Variants in AFF1 observed in about 807,000 individuals in gnomAD.
AFF1 encodes ALF transcription elongation factor 1, also known as AF4/FMR2 family member 1.
Under a neutral mutation model 121.7 loss-of-function variants are expected in AFF1, and 48 were observed. That is an observed-to-expected ratio of 0.39 (90% CI 0.31 to 0.50). The LOEUF (loss-of-function observed/expected upper bound fraction) is 0.50, where lower values mean the gene tolerates loss of function less well. Ranked by LOEUF, AFF1 falls within the 20% of genes least tolerant of loss-of-function variation. The probability of loss-of-function intolerance (pLI) is 0.76; values close to 1 mark genes in which losing one functional copy is unlikely to be tolerated. For missense variants in AFF1, 1,523 were observed against 1,511.7 expected (o/e 1.01, Z -0.12); for synonymous variants, 613 against 563.0 (o/e 1.09, Z -1.26).
At chr4:87,094,801 G>A (rs1028849679) in intron 7 of AFF1, 114 bp from the exon 8 acceptor site, 78 of 901,334 alleles carry the variant, frequency 8.7e-5, no homozygotes, top group Non-Finnish European at 1.2e-4. Flanking sequence ...TGCTAAGATT[G>A]TACCAAGTGC....
In AFF1 at chr4:87,047,348, G is replaced by A; in HGVS notation, c.813G>A (p.Val271=). The change falls in exon 4 of 21, where the codon GTG becomes GTA. Residue 271 remains valine, a synonymous_variant. Coordinates refer to ENST00000395146, the MANE Select transcript of AFF1 (RefSeq NM_001166693.3). ...AAGAGACCCCTCAAGACAGTTTGGT[G>A]GCCCCTGCCCAGCCGCCTTCTCAGA... The part of the protein sequence containing the change: ...HDKETPQDSL[V]APAQPPSQTF... 6.2e-7 allele frequency: 1 copy of A among 1,614,128 alleles called. No individual in the cohort carries two copies. The highest frequency in any genetic ancestry group is 1.1e-5 in the South Asian group (1 of 91,078).
chr4:87,118,699 TG>T (rs1356328563), intron 12 of AFF1, among the ~76,000 whole-genome samples: 2 of 152,160 alleles, frequency 1.3e-5, no homozygotes, highest in East Asian at 3.9e-4. Flanking sequence ...TTGCCCAGGC[TG>T]GTCTTGAGCT....
intron 5 of AFF1, among the ~76,000 whole-genome samples, chr4:87,088,900 C>A (rs1460358596): frequency 1.3e-5 from 2 of 152,200 alleles, no homozygotes; most frequent in African/African-American, 4.8e-5. Context: ...CATGCACACC[C>A]AAACCCAGCT....
At chr4:87,009,428 A>G (rs1211893101) in intron 2 of AFF1, among the ~76,000 whole-genome samples, 1 of 152,240 alleles carries the variant, frequency 6.6e-6, no homozygotes, top group Non-Finnish European at 1.5e-5. Flanking sequence ...TGTTTGTAAT[A>G]TGTAATAATC....
chr4:87,009,043 A>G (rs1489878522), intron 2 of AFF1, among the ~76,000 whole-genome samples: 1 of 152,228 alleles, frequency 6.6e-6, no homozygotes, highest in Non-Finnish European at 1.5e-5. Context: ...TAGCGCAGGG[A>G]TTTGTACCCA....
At chr4:87,087,587 G>A (rs190963919) in intron 5 of AFF1, among the ~76,000 whole-genome samples, 3 of 152,340 alleles carry the variant, frequency 2.0e-5, no homozygotes, top group Non-Finnish European at 4.4e-5. Context: ...TCATGGCCTT[G>A]TGAGTCTTTC....
At chr4:87,032,178 T>C (rs1729145998) in intron 2 of AFF1, among the ~76,000 whole-genome samples, 1 of 152,184 alleles carries the variant, frequency 6.6e-6, no homozygotes, top group Non-Finnish European at 1.5e-5. Context: ...TTATAGCGGG[T>C]AGTAGGAGGT....
chr4:86,961,642 G>A (rs1471567852), intron 2 of AFF1, among the ~76,000 whole-genome samples: 1 of 147,740 alleles, frequency 6.8e-6, no homozygotes, highest in Non-Finnish European at 1.5e-5. Context: ...GCAGGAAAAA[G>A]ATGAAAAGAT....
chr4:86,963,166 C>CAAAA (rs11341612), intron 2 of AFF1, among the ~76,000 whole-genome samples: 40 of 63,216 alleles, frequency 6.3e-4, no homozygotes, highest in African/African-American at 9.4e-4. Flanking sequence ...ACTCCCATCT[C>CAAAA]AAAAAAAAAA....
chr4:87,041,222 T>C (rs1730112892), intron 2 of AFF1, among the ~76,000 whole-genome samples: 1 of 152,092 alleles, frequency 6.6e-6, no homozygotes, highest in Non-Finnish European at 1.5e-5. Context: ...GAAAATGGGG[T>C]TAATAATCCC....
chr4:87,059,073 C>A (rs1720458597), intron 4 of AFF1, among the ~76,000 whole-genome samples: 1 of 152,214 alleles, frequency 6.6e-6, no homozygotes, highest in Admixed American at 6.5e-5. Flanking sequence ...CTCCAGGGCT[C>A]TGTCCTCAAC....
intron 12 of AFF1, among the ~76,000 whole-genome samples, chr4:87,118,296 A>G (rs961013734): frequency 5.8e-4 from 54 of 92,408 alleles, no homozygotes; most frequent in African/African-American, 2.6e-3. Context: ...CATGGCACCT[A>G]TAGAAATGCA....
At chr4:87,022,574 ATATATATATC>A (rs1728055461) in intron 2 of AFF1, among the ~76,000 whole-genome samples, 1 of 83,006 alleles carries the variant, frequency 1.2e-5, no homozygotes, top group African/African-American at 5.4e-5. Context: ...ATATATATAT[ATATATATATC>A]TATCTATATC....
chr4:86,939,997 G>GT (rs1720336521), intron 1 of AFF1, among the ~76,000 whole-genome samples: 1 of 152,222 alleles, frequency 6.6e-6, no homozygotes, highest in Non-Finnish European at 1.5e-5. Context: ...CTAGCTGTCA[G>GT]ACCTTAGGCA....
intron 8 of AFF1, among the ~76,000 whole-genome samples, chr4:87,100,518 A>C (rs755462674): frequency 3.3e-5 from 5 of 152,126 alleles, no homozygotes; most frequent in African/African-American, 4.8e-5. Context: ...TGTATAAAAG[A>C]GTGACCTCTA....
intron 19 of AFF1, among the ~76,000 whole-genome samples, chr4:87,133,875 A>G (rs1392192078): frequency 6.6e-6 from 1 of 152,226 alleles, no homozygotes; most frequent in Non-Finnish European, 1.5e-5. Flanking sequence ...GAGTCTTCTG[A>G]TGCATGATAC....
Position 87,047,218 on chromosome 4 carries a change from T to C in AFF1, c.683T>C (p.Leu228Pro), listed in dbSNP as rs2149615235. ...CCTATACATTCCAACCAGCAAACTCTTCCCCGGACGCAAGGAAGCAGCAAG... is the reference window on the plus strand; with the variant it reads ...CCTATACATTCCAACCAGCAAACTCCTCCCCGGACGCAAGGAAGCAGCAAG... ...LSPIHSNQQT[L>P]PRTQGSSKVH... is the part of the protein sequence containing the mutation. The change falls in exon 4 of 21, where the codon CTT becomes CCT. Residue 228 changes from leucine to proline, a missense_variant. Around this residue, in one of 5 missense-constraint regions of AFF1, gnomAD observed 369 missense variants for 367.2 expected, o/e 1.00. Coordinates refer to ENST00000395146, the MANE Select transcript of AFF1 (RefSeq NM_001166693.3). The C allele has an allele frequency of 1.2e-6, 2 of 1,614,102 alleles. No individual in the cohort carries two copies. The highest frequency in any genetic ancestry group is 1.7e-5 in the Admixed American group (1 of 60,012).
At position 87,056,315 on chromosome 4, in the gene AFF1, TTTGAA is replaced by T. The variant is rs1240130474; in HGVS notation, c.1059+8727_1059+8731del. Among the ~76,000 whole-genome samples the T allele has an allele frequency of 2.6e-5, 4 of 152,336 alleles. No homozygotes were observed. The East Asian group carries it at 7.7e-4, about 29-fold the overall frequency. On this transcript the variant is annotated intron_variant, in intron 4 of 20. Transcript: ENST00000395146. ...CTCATATTGGACAGGAATGTGGAGC[TTTGAA>T]TTGAAGTGCATGAATTAAGAAAGGA...
chr4:87,087,995 G>A (rs1224469412), intron 5 of AFF1, among the ~76,000 whole-genome samples: 1 of 152,192 alleles, frequency 6.6e-6, no homozygotes, highest in Non-Finnish European at 1.5e-5. Flanking sequence ...ATTAAAAGTT[G>A]TAATGCTTTT....
Sources: gnomAD v4.1 joint callset for allele counts (sites outside exome capture counted in the v4.1 genomes callset) on GRCh38, gnomAD v4.1.1 for gene constraint, gnomAD v4.1.1 regional missense constraint, MANE v1.5 for transcripts, NCBI Gene and HGNC (gene_info 2026-07-23, HGNC 2026-07-21) for gene names.